The following LRMDA variants were observed in gnomAD, a reference collection of about 807,000 sequenced individuals.
LRMDA encodes leucine rich melanocyte differentiation associated, also known as leucine-rich melanocyte differentiation-associated protein.
Under a neutral mutation model 29.8 loss-of-function variants are expected in LRMDA, and 18 were observed. That is an observed-to-expected ratio of 0.60 (90% CI 0.42 to 0.90). The LOEUF (loss-of-function observed/expected upper bound fraction) is 0.90, where lower values mean the gene tolerates loss of function less well. Among genes scored for constraint, LRMDA ranks in the 40% least tolerant of loss-of-function variants. The pLI is 0.00. For missense variants in LRMDA, 273 were observed against 273.9 expected, an observed-to-expected ratio of 1.00 and a Z score of 0.02; for synonymous variants, 125 against 109.4, an observed-to-expected ratio of 1.14 and a Z score of -0.89.
intron 2 of LRMDA, among the ~76,000 whole-genome samples, chr10:75,783,245 C>A (rs1036693222): frequency 6.6e-6 from 1 of 152,034 alleles, no homozygotes; most frequent in Non-Finnish European, 1.5e-5. Flanking sequence ...GGTGTGTCCT[C>A]GATCACATAG....
At chr10:76,445,099 A>G (rs1479907394) in intron 6 of LRMDA, among the ~76,000 whole-genome samples, 1 of 152,150 alleles carries the variant, frequency 6.6e-6, no homozygotes, top group African/African-American at 2.4e-5. Flanking sequence ...CCTCTCAAGG[A>G]TCTAGAGGGC....
intron 2 of LRMDA, among the ~76,000 whole-genome samples, chr10:75,951,899 C>T (rs756442428): frequency 1.3e-5 from 2 of 152,204 alleles, no homozygotes; most frequent in African/African-American, 4.8e-5. Context: ...ACGTTACCTG[C>T]GGTCCTGGAG....
intron 5 of LRMDA, among the ~76,000 whole-genome samples, chr10:76,088,644 A>C (rs1390960428): frequency 1.3e-5 from 2 of 152,192 alleles, no homozygotes; most frequent in Admixed American, 1.3e-4. Flanking sequence ...TGGCCAGCCC[A>C]TTCCTTATGG....
chr10:75,656,246 C>T (rs978783976), intron 2 of LRMDA, among the ~76,000 whole-genome samples: 1 of 152,168 alleles, frequency 6.6e-6, no homozygotes, highest in Non-Finnish European at 1.5e-5. Flanking sequence ...TAGGTAGTGG[C>T]TAAGAGCCCA....
chr10:76,186,107 G>A (rs1851144642), intron 5 of LRMDA, among the ~76,000 whole-genome samples: 1 of 152,134 alleles, frequency 6.6e-6, no homozygotes, highest in Non-Finnish European at 1.5e-5. Flanking sequence ...AGCTGAGCCT[G>A]ATAAGATGGC....
chr10:75,871,776 G>T (rs2132332697), intron 2 of LRMDA, among the ~76,000 whole-genome samples: 1 of 152,254 alleles, frequency 6.6e-6, no homozygotes, highest in African/African-American at 2.4e-5. Context: ...GGGTTTGTTT[G>T]ATATCAGCTT....
chr10:75,919,297 A>G (rs1220560466), intron 2 of LRMDA, among the ~76,000 whole-genome samples: 1 of 152,196 alleles, frequency 6.6e-6, no homozygotes, highest in African/African-American at 2.4e-5. Flanking sequence ...TGACTAAGAA[A>G]CAGGAGAATA....
At chr10:75,993,425 C>A (rs1223132038) in intron 2 of LRMDA, among the ~76,000 whole-genome samples, 5 of 152,102 alleles carry the variant, frequency 3.3e-5, no homozygotes, top group Non-Finnish European at 5.9e-5. Flanking sequence ...TTATTGTTAT[C>A]CCCATTTTGC....
intron 5 of LRMDA, among the ~76,000 whole-genome samples, chr10:76,177,179 A>G (rs1850952441): frequency 6.6e-6 from 1 of 152,196 alleles, no homozygotes; most frequent in Non-Finnish European, 1.5e-5. Flanking sequence ...TTTTAATCGG[A>G]GAAGAATTTC....
intron 5 of LRMDA, among the ~76,000 whole-genome samples, chr10:76,145,689 C>G (rs984710809): frequency 6.6e-6 from 1 of 151,844 alleles, no homozygotes; most frequent in Non-Finnish European, 1.5e-5. Flanking sequence ...TCTCTATTTC[C>G]TTCAGTTCTG....
chr10:75,935,444 G>A (rs553796415), intron 2 of LRMDA, among the ~76,000 whole-genome samples: 1 of 152,278 alleles, frequency 6.6e-6, no homozygotes, highest in South Asian at 2.1e-4. Flanking sequence ...CATTTAGAAG[G>A]GAAAGGCTGT....
intron 5 of LRMDA, among the ~76,000 whole-genome samples, chr10:76,065,155 G>A (rs1848762959): frequency 6.6e-6 from 1 of 152,088 alleles, no homozygotes; most frequent in South Asian, 2.1e-4. Flanking sequence ...TTCATTTGAG[G>A]GAGAATCACT....
chr10:76,119,499 G>A (rs1849737576), intron 5 of LRMDA, among the ~76,000 whole-genome samples: 2 of 152,100 alleles, frequency 1.3e-5, no homozygotes, highest in Admixed American at 6.5e-5. Flanking sequence ...GATGTCCAGG[G>A]TCAGGGAGAG....
intron 6 of LRMDA, among the ~76,000 whole-genome samples, chr10:76,540,547 A>G (rs1486302354): frequency 6.6e-6 from 1 of 152,186 alleles, no homozygotes. Context: ...TTAAAATCCA[A>G]CCCACCCCAT....
intron 5 of LRMDA, among the ~76,000 whole-genome samples, chr10:76,139,903 A>G (rs1850167735): frequency 6.6e-6 from 1 of 152,034 alleles, no homozygotes; most frequent in South Asian, 2.1e-4. Context: ...CTCTCTGTGG[A>G]GCATGTTTAG....
chr10:75,536,727 T>C (rs549369850), intron 2 of LRMDA, among the ~76,000 whole-genome samples: 1 of 152,214 alleles, frequency 6.6e-6, no homozygotes, highest in Admixed American at 6.5e-5. Context: ...GGGATAATTC[T>C]TAAATTTTTT....
At chr10:75,885,926 G>T (rs573139691) in intron 2 of LRMDA, among the ~76,000 whole-genome samples, 2 of 152,282 alleles carry the variant, frequency 1.3e-5, no homozygotes, top group Non-Finnish European at 2.9e-5. Context: ...GAAGTTGTTT[G>T]GTATGTTTGC....
At chr10:76,374,839 A>T (rs1223017196) in intron 6 of LRMDA, among the ~76,000 whole-genome samples, 1 of 152,186 alleles carries the variant, frequency 6.6e-6, no homozygotes, top group Admixed American at 6.5e-5. Flanking sequence ...TCATGGCAAT[A>T]AGATAATGTT....
intron 2 of LRMDA, among the ~76,000 whole-genome samples, chr10:75,994,257 C>A (rs1847420989): frequency 6.6e-6 from 1 of 152,184 alleles, no homozygotes; most frequent in Non-Finnish European, 1.5e-5. Flanking sequence ...TCCAAGCTAA[C>A]CTGAGATGCA....
Sources: allele counts gnomAD v4.1 joint callset (sites outside exome capture counted in the v4.1 genomes callset), GRCh38; gene constraint gnomAD v4.1.1; transcripts MANE v1.5; gene names NCBI Gene and HGNC (gene_info 2026-07-23, HGNC 2026-07-21).